Variants in KCNMB2 observed in about 807,000 individuals in gnomAD.
KCNMB2 encodes the protein calcium-activated potassium channel subunit beta-2.
KCNMB2 carries 9 observed loss-of-function variants against 24.5 expected under a neutral mutation model. The observed-to-expected ratio is 0.37, with a 90% confidence interval of 0.22 to 0.64. KCNMB2 has a LOEUF of 0.64. Among genes scored for constraint, KCNMB2 ranks in the 30% least tolerant of loss-of-function variants. The pLI is 0.63. For synonymous variants in KCNMB2, 109 were observed against 104.4 expected, an observed-to-expected ratio of 1.04 and a Z score of -0.27; for missense variants, 226 against 284.3, an observed-to-expected ratio of 0.79 and a Z score of 1.47.
intron 3 of KCNMB2, among the ~76,000 whole-genome samples, chr3:178,826,615 G>A (rs1020944573): frequency 5.3e-5 from 8 of 152,234 alleles, no homozygotes; most frequent in Admixed American, 2.6e-4. Context: ...CTGATGTATC[G>A]AATGAAGTCT....
intron 4 of KCNMB2, among the ~76,000 whole-genome samples, chr3:178,838,866 A>C (rs527912944): frequency 6.6e-6 from 1 of 152,330 alleles, no homozygotes; most frequent in East Asian, 1.9e-4. Flanking sequence ...TTATAGTTAC[A>C]ATGCAAAAAT....
intron 1 of KCNMB2, among the ~76,000 whole-genome samples, chr3:178,664,471 A>G (rs6443557): frequency 0.45 from 68,001 of 151,814 alleles, 15,290 homozygotes; most frequent in Middle Eastern, 0.56. Flanking sequence ...CTACACTATT[A>G]TATACTTTTT....
At chr3:178,751,302 C>A (rs2108389072) in intron 1 of KCNMB2, among the ~76,000 whole-genome samples, 1 of 152,054 alleles carries the variant, frequency 6.6e-6, no homozygotes, top group East Asian at 1.9e-4. Context: ...CAATTACAGC[C>A]AGGCACAGTA....
intron 1 of KCNMB2, among the ~76,000 whole-genome samples, chr3:178,704,577 A>T (rs1026993126): frequency 1.3e-5 from 2 of 152,126 alleles, no homozygotes; most frequent in Admixed American, 1.3e-4. Flanking sequence ...GCAAAAAAAA[A>T]TTTTCTTCAT....
rs1434366293 is a variant in KCNMB2, at chr3:178,753,364, ACT to A, written c.-67-53978_-67-53977del. ...GGATTGAGTTCTGGCTCTGCCAAAC[ACT>A]GACTGTGTGACCTTGAGCAGTTCTT... On this transcript the variant is annotated intron_variant, in intron 1 of 4. Coordinates refer to ENST00000452583, the MANE Select transcript of KCNMB2 (RefSeq NM_181361.3). Among the ~76,000 whole-genome samples the A allele has an allele frequency of 8.5e-5, 13 of 152,342 alleles. No individual in the cohort carries two copies. In the East Asian group the frequency reaches 2.1e-3, roughly 25 times the overall value.
chr3:178,732,877 C>G (rs549149739), intron 1 of KCNMB2, among the ~76,000 whole-genome samples: 92 of 152,204 alleles, frequency 6.0e-4, no homozygotes, highest in Middle Eastern at 3.4e-3. Flanking sequence ...ACGTAACTAC[C>G]ACAAATAATG....
intron 1 of KCNMB2, among the ~76,000 whole-genome samples, chr3:178,743,837 G>T (rs1307565610): frequency 1.3e-5 from 2 of 152,200 alleles, no homozygotes; most frequent in Non-Finnish European, 2.9e-5. Context: ...GGAAGCCTGG[G>T]AAGTGTTTGG....
At chr3:178,571,932 C>T (rs1284350350) in intron 1 of KCNMB2, among the ~76,000 whole-genome samples, 1 of 152,154 alleles carries the variant, frequency 6.6e-6, no homozygotes, top group African/African-American at 2.4e-5. Context: ...CAGCTTATCA[C>T]TGATGGGCTT....
chr3:178,713,197 T>C (rs562907072), intron 1 of KCNMB2, among the ~76,000 whole-genome samples: 1 of 152,232 alleles, frequency 6.6e-6, no homozygotes, highest in Non-Finnish European at 1.5e-5. Context: ...TAGCATGTAA[T>C]GATTACTTTG....
intron 4 of KCNMB2, among the ~76,000 whole-genome samples, chr3:178,829,714 A>G (rs1714981949): frequency 6.6e-6 from 1 of 152,198 alleles, no homozygotes; most frequent in Non-Finnish European, 1.5e-5. Flanking sequence ...AAAGTGGGAC[A>G]TATTTTCATT....
At chr3:178,751,430 A>T (rs1723842284) in intron 1 of KCNMB2, among the ~76,000 whole-genome samples, 1 of 151,968 alleles carries the variant, frequency 6.6e-6, no homozygotes, top group South Asian at 2.1e-4. Context: ...AATACAAAAA[A>T]TTAGCTGGGC....
Position 178,677,378 on chromosome 3 carries a change from T to C in KCNMB2, c.-67-129965T>C, listed in dbSNP as rs192702695. Among the ~76,000 whole-genome samples the C allele has an allele frequency of 3.2e-3, 483 of 152,244 alleles. 3 individuals are homozygous for C. Among genetic ancestry groups the C allele is most frequent in the African/African-American group, 0.011 (451 of 41,542 alleles). On this transcript the variant is annotated intron_variant, in intron 1 of 4. Transcript: ENST00000452583. Reference sequence around the variant, plus strand: ...CCAAAGAAATGATGAATATGGGTCATGTAAAGGACAAGAGACAAGAAGACA... The same window carrying C: ...CCAAAGAAATGATGAATATGGGTCACGTAAAGGACAAGAGACAAGAAGACA...
intron 1 of KCNMB2, among the ~76,000 whole-genome samples, chr3:178,756,648 A>G (rs1054351206): frequency 1.3e-5 from 2 of 152,084 alleles, no homozygotes; most frequent in Non-Finnish European, 2.9e-5. Flanking sequence ...GCATCATCTC[A>G]TGAATCCCAA....
intron 1 of KCNMB2, among the ~76,000 whole-genome samples, chr3:178,777,328 A>G (rs1712622259): frequency 6.6e-6 from 1 of 152,106 alleles, no homozygotes; most frequent in Non-Finnish European, 1.5e-5. Flanking sequence ...CAAGCTACTC[A>G]GAGGCTGAGG....
chr3:178,578,288 A>G (rs1350074097), intron 1 of KCNMB2, among the ~76,000 whole-genome samples: 4 of 152,254 alleles, frequency 2.6e-5, no homozygotes, highest in Non-Finnish European at 5.9e-5. Context: ...AAGCTTCATA[A>G]GCAAAGGAGA....
Position 178,670,936 on chromosome 3 carries a change from T to C in KCNMB2, c.-68+134225T>C, listed in dbSNP as rs375109871. On this transcript the variant is annotated intron_variant, in intron 1 of 4. Transcript: ENST00000452583. ...CCTCTGGGAATGTACAAAAGGGAGATTGATTCTTCCCGCTGGAAGACGTGG... is the reference window on the plus strand; with the variant it reads ...CCTCTGGGAATGTACAAAAGGGAGACTGATTCTTCCCGCTGGAAGACGTGG... Among the ~76,000 whole-genome samples, 5 of 152,102 alleles carry C rather than the reference T, an allele frequency of 3.3e-5. No homozygotes were observed. In the East Asian group the frequency reaches 5.8e-4, roughly 18 times the overall value.
In KCNMB2 at chr3:178,680,459, G is replaced by T. The variant is rs148555167; in HGVS notation, c.-67-126884G>T. Reference sequence around the variant, plus strand: ...AACCTTTTTTTTCTTTATTTCCAAAGATTTTTGTTTCATTATTTTGGGAAA... The same window carrying T: ...AACCTTTTTTTTCTTTATTTCCAAATATTTTTGTTTCATTATTTTGGGAAA... On this transcript the variant is annotated intron_variant, in intron 1 of 4. Transcript: ENST00000452583. Among the ~76,000 whole-genome samples, 89 of 152,152 alleles carry T rather than the reference G, an allele frequency of 5.8e-4. 2 individuals carry two copies. Among genetic ancestry groups the T allele is most frequent in the African/African-American group, 2.0e-3 (82 of 41,506 alleles).
intron 1 of KCNMB2, among the ~76,000 whole-genome samples, chr3:178,716,835 C>T (rs1228132504): frequency 6.6e-6 from 1 of 152,146 alleles, no homozygotes; most frequent in Non-Finnish European, 1.5e-5. Context: ...GAACGGGTCC[C>T]TGGACCAAAT....
intron 1 of KCNMB2, among the ~76,000 whole-genome samples, chr3:178,565,884 A>T (rs1223032403): frequency 6.6e-6 from 1 of 152,218 alleles, no homozygotes; most frequent in Non-Finnish European, 1.5e-5. Flanking sequence ...TATAATTATT[A>T]ATGAAATCTA....
Sources: gnomAD v4.1 joint callset for allele counts (sites outside exome capture counted in the v4.1 genomes callset) on GRCh38, gnomAD v4.1.1 for gene constraint, MANE v1.5 for transcripts, NCBI Gene and HGNC (gene_info 2026-07-23, HGNC 2026-07-21) for gene names.